The following MKLN1 variants were observed in gnomAD, a reference collection of about 807,000 sequenced individuals.
MKLN1 encodes muskelin 1, also known as muskelin.
MKLN1 carries 18 observed loss-of-function variants against 99.0 expected under a neutral mutation model. The observed-to-expected ratio is 0.18, with a 90% CI of 0.13 to 0.27. The LOEUF (loss-of-function observed/expected upper bound fraction) is 0.27. Ranked by LOEUF, MKLN1 falls within the 10% of genes least tolerant of loss-of-function variation. The pLI is 1.00. For synonymous variants in MKLN1, 288 were observed against 293.2 expected, an observed-to-expected ratio of 0.98 and a Z score of 0.18; for missense variants, 621 against 875.9, an observed-to-expected ratio of 0.71 and a Z score of 3.67.
chr7:131,154,859 G>A (rs1214377582), intron 2 of MKLN1, among the ~76,000 whole-genome samples: 8 of 151,990 alleles, frequency 5.3e-5, no homozygotes, highest in African/African-American at 1.9e-4. Flanking sequence ...CCGACTAGAG[G>A]GTAGGAACAT....
intron 4 of MKLN1, among the ~76,000 whole-genome samples, chr7:131,390,976 A>G (rs1794181748): frequency 6.6e-6 from 1 of 152,118 alleles, no homozygotes. Context: ...ATATATAGAT[A>G]ACTTAGTATG....
chr7:131,168,313 G>A (rs904405225), intron 2 of MKLN1, among the ~76,000 whole-genome samples: 4 of 151,892 alleles, frequency 2.6e-5, no homozygotes, highest in African/African-American at 9.7e-5. Flanking sequence ...TCTCACTCCT[G>A]ACTCCTTCCT....
chr7:131,216,283 C>T (rs4731766), intron 3 of MKLN1, among the ~76,000 whole-genome samples: 43,408 of 151,366 alleles, frequency 0.29, 6,609 homozygotes, highest in South Asian at 0.44. Context: ...TACAGGAGTG[C>T]GTGGTGGCGC....
intron 2 of MKLN1, among the ~76,000 whole-genome samples, chr7:131,379,813 G>A (rs1041900419): frequency 6.6e-6 from 1 of 152,218 alleles, no homozygotes; most frequent in Non-Finnish European, 1.5e-5. Flanking sequence ...AACATCTCAT[G>A]TACCCTGTAA....
At chr7:131,221,621 C>A (rs1260510488) in intron 3 of MKLN1, among the ~76,000 whole-genome samples, 3 of 151,018 alleles carry the variant, frequency 2.0e-5, no homozygotes, top group Admixed American at 6.6e-5. Context: ...GATTCTCCTG[C>A]CTCAGCCTCC....
In MKLN1 at chr7:131,285,789, G is replaced by A. The variant is rs191212725; in HGVS notation, c.-179+82815G>A. On this transcript the variant is annotated intron_variant, in intron 3 of 7. Transcript: ENST00000416992. ...TGCCTGATGCAGTCTTAAGAGACCA[G>A]CTTGATTGTGAGTTTTTTTGGTGAA... is the stretch of plus-strand genomic sequence containing the variant. 5.9e-5 allele frequency among the ~76,000 whole-genome samples: 9 copies of A among 152,240 alleles called. No homozygotes were observed. The East Asian group carries it at 1.5e-3, about 26-fold the overall frequency.
rs1219669149 is a variant in MKLN1 at position 131,399,438 on chromosome 7, G to A, written c.703+5G>A. Reference sequence around the variant, plus strand: ...TGATTGAAAAGGCTGTAAATGGTATGAAACTTAGATTGGTTATTAGGGTAA... The same window carrying A: ...TGATTGAAAAGGCTGTAAATGGTATAAAACTTAGATTGGTTATTAGGGTAA... On this transcript the variant is annotated splice_donor_5th_base_variant and intron_variant, in intron 6 of 17. Transcript: ENST00000352689. 9.9e-6 allele frequency: 16 copies of A among 1,612,196 alleles called. No homozygotes were observed. The highest frequency in any genetic ancestry group is 1.3e-5 in the Non-Finnish European group (15 of 1,178,800).
intron 3 of MKLN1, among the ~76,000 whole-genome samples, chr7:131,221,639 C>A (rs1797061002): frequency 2.0e-5 from 3 of 150,290 alleles, no homozygotes. Context: ...TCCTGAGTAG[C>A]TGGGATTACA....
intron 3 of MKLN1, among the ~76,000 whole-genome samples, chr7:131,252,329 C>CT (rs60581249): frequency 0.47 from 55,327 of 118,088 alleles, 14,721 homozygotes; most frequent in East Asian, 0.7. Context: ...TTTTTCTTTT[C>CT]TTTTTTTTTT....
At chr7:131,220,866 C>T (rs1797050237) in intron 3 of MKLN1, among the ~76,000 whole-genome samples, 2 of 152,116 alleles carry the variant, frequency 1.3e-5, no homozygotes, top group Admixed American at 6.5e-5. Context: ...GGCCAAAGTG[C>T]AGCCTGATTA....
intron 2 of MKLN1, among the ~76,000 whole-genome samples, chr7:131,145,753 T>C (rs79848670): frequency 0.042 from 6,358 of 152,286 alleles, 198 homozygotes; most frequent in African/African-American, 0.088. Context: ...TGAGGGCCAA[T>C]GAGTGGAGAT....
intron 1 of MKLN1, among the ~76,000 whole-genome samples, chr7:131,125,880 C>G (rs1183227465): frequency 6.6e-6 from 1 of 151,664 alleles, no homozygotes; most frequent in Non-Finnish European, 1.5e-5. Context: ...GTGGTGGCCA[C>G]CTGTAGTCCC....
At chr7:131,380,427 A>G (rs1584675215) in intron 2 of MKLN1, among the ~76,000 whole-genome samples, 1 of 152,218 alleles carries the variant, frequency 6.6e-6, no homozygotes, top group African/African-American at 2.4e-5. Flanking sequence ...AAACTGTATT[A>G]AAAAATACCA....
chr7:131,142,651 C>A (rs953974107), intron 1 of MKLN1, among the ~76,000 whole-genome samples: 1 of 151,752 alleles, frequency 6.6e-6, no homozygotes, highest in Non-Finnish European at 1.5e-5. Context: ...AGGAGAATGG[C>A]GTGAACCCGG....
chr7:131,129,841 G>T (rs1427944967), intron 1 of MKLN1, among the ~76,000 whole-genome samples: 1 of 152,164 alleles, frequency 6.6e-6, no homozygotes, highest in Non-Finnish European at 1.5e-5. Flanking sequence ...CTCCCAAAGT[G>T]CTGAGATTAC....
chr7:131,135,784 G>T (rs1257475110), intron 1 of MKLN1, among the ~76,000 whole-genome samples: 1 of 152,170 alleles, frequency 6.6e-6, no homozygotes, highest in Non-Finnish European at 1.5e-5. Context: ...GACTGGATTG[G>T]CTTCAAGAGA....
At chr7:131,147,310 G>A (rs931994217) in intron 2 of MKLN1, among the ~76,000 whole-genome samples, 7 of 150,424 alleles carry the variant, frequency 4.7e-5, no homozygotes, top group Non-Finnish European at 1.0e-4. Flanking sequence ...CACCCGCCTC[G>A]ACCTCCCAAA....
intron 4 of MKLN1, among the ~76,000 whole-genome samples, chr7:131,391,442 T>A (rs559548340): frequency 1.2e-4 from 18 of 152,332 alleles, no homozygotes; most frequent in African/African-American, 4.1e-4. Flanking sequence ...CTCCAAATTG[T>A]TTATTGACAT....
chr7:131,389,162 C>CA (rs1356453896), intron 4 of MKLN1, among the ~76,000 whole-genome samples, 190 bp downstream of exon 4: 1 of 152,062 alleles, frequency 6.6e-6, no homozygotes, highest in Non-Finnish European at 1.5e-5. Flanking sequence ...TGAGTAGTTG[C>CA]AAGAGACCAC....
Sources: allele counts gnomAD v4.1 joint callset (sites outside exome capture counted in the v4.1 genomes callset), GRCh38; gene constraint gnomAD v4.1.1; transcripts MANE v1.5; gene names NCBI Gene and HGNC (gene_info 2026-07-23, HGNC 2026-07-21).